CIAO2A: variants seen among roughly 807,000 people sequenced by gnomAD.
CIAO2A encodes the protein cytosolic iron-sulfur assembly component 2A.
CIAO2A carries 17 observed loss-of-function variants against 22.4 expected under a neutral mutation model. That is an observed-to-expected ratio of 0.76 (90% CI 0.52 to 1.14). The LOEUF is 1.14. Among genes scored for constraint, CIAO2A ranks in the 50% most tolerant of loss-of-function variants. The pLI is 0.00. For synonymous variants in CIAO2A, 74 were observed against 72.3 expected, an observed-to-expected ratio of 1.02 and a Z score of -0.12; for missense variants, 192 against 191.4, an observed-to-expected ratio of 1.00 and a Z score of -0.02.
At chr15:64,074,091 G>A (rs1309847204) in intron 4 of CIAO2A, among the ~76,000 whole-genome samples, 1 of 151,934 alleles carries the variant, frequency 6.6e-6, no homozygotes, top group Non-Finnish European at 1.5e-5. Context: ...TAATCTACTA[G>A]ATCTTTTTTT....
At chr15:64,081,373 C>A (rs2080757950) in intron 2 of CIAO2A, among the ~76,000 whole-genome samples, 1 of 152,036 alleles carries the variant, frequency 6.6e-6, no homozygotes, top group Non-Finnish European at 1.5e-5. Context: ...TTACTAATCC[C>A]CTTCTACAAA....
At chr15:64,078,436 A>G (rs977415232) in intron 3 of CIAO2A, among the ~76,000 whole-genome samples, 5 of 152,104 alleles carry the variant, frequency 3.3e-5, no homozygotes, top group South Asian at 2.1e-4. Context: ...GGAGTTCAAG[A>G]CCAAACTGGC....
intron 2 of CIAO2A, among the ~76,000 whole-genome samples, chr15:64,083,942 C>CA (rs1052899008): frequency 1.7e-4 from 25 of 145,434 alleles, no homozygotes; most frequent in African/African-American, 5.3e-4. Flanking sequence ...GACTCTGTCT[C>CA]AAAAAAAAAT....
chr15:64,083,947 A>T (rs576166572), intron 2 of CIAO2A, among the ~76,000 whole-genome samples: 10 of 152,058 alleles, frequency 6.6e-5, no homozygotes, highest in South Asian at 2.1e-4. Flanking sequence ...TGTCTCAAAA[A>T]AAAATAAAAT....
intron 1 of CIAO2A, chr15:64,090,245 A>G: frequency 5.9e-6 from 1 of 168,872 alleles, no homozygotes; most frequent in Non-Finnish European, 1.3e-5. Context: ...TAGGAGACTG[A>G]GGCAGGAGAA....
At chr15:64,093,423 G>C (rs2080859731) in intron 1 of CIAO2A, among the ~76,000 whole-genome samples, 1 of 151,908 alleles carries the variant, frequency 6.6e-6, no homozygotes, top group South Asian at 2.1e-4. Context: ...CCAGGTTTAC[G>C]AAGAGCCCAG....
At chr15:64,090,062 G>A (rs2080827936) in intron 1 of CIAO2A, 1 of 152,280 alleles carries the variant, frequency 6.6e-6, no homozygotes, top group Non-Finnish European at 1.5e-5. Flanking sequence ...CAAACAACAA[G>A]GCCGGGCGCG....
intron 1 of CIAO2A, among the ~76,000 whole-genome samples, chr15:64,089,481 T>C (rs1219982247): frequency 1.4e-5 from 2 of 146,906 alleles, no homozygotes; most frequent in East Asian, 4.0e-4. Context: ...CACCGCACTC[T>C]AGGCTGGGCA....
chr15:64,076,319 A>G (rs2080717030), intron 3 of CIAO2A, among the ~76,000 whole-genome samples: 1 of 152,160 alleles, frequency 6.6e-6, no homozygotes, highest in East Asian at 1.9e-4. Context: ...TTTTACACAC[A>G]CACACACCCA....
In CIAO2A at chr15:64,086,466, G is replaced by A. The variant is rs577355887; in HGVS notation, c.289+2221C>T. 1.4e-3 allele frequency among the ~76,000 whole-genome samples: 215 copies of A among 152,116 alleles called. 2 individuals carry two copies. The South Asian group carries it at 0.025, about 18-fold the overall frequency. Reference sequence around the variant, plus strand: ...ATAGGTTCTTGAACTCTCCATTTAAGAACTCTTTCTTATATGTCAAAATAT... The same window carrying A: ...ATAGGTTCTTGAACTCTCCATTTAAAAACTCTTTCTTATATGTCAAAATAT... On this transcript the variant is annotated intron_variant, in intron 2 of 4. Coordinates refer to ENST00000300030, the MANE Select transcript of CIAO2A (RefSeq NM_032231.7).
At chr15:64,092,397 A>G (rs1342186763) in intron 1 of CIAO2A, among the ~76,000 whole-genome samples, 2 of 151,954 alleles carry the variant, frequency 1.3e-5, no homozygotes, top group African/African-American at 4.8e-5. Flanking sequence ...CTTTATTTCA[A>G]AGTCTTTCTA....
chr15:64,075,105 G>A (rs1394108909), intron 4 of CIAO2A: 1 of 155,382 alleles, frequency 6.4e-6, no homozygotes, highest in Admixed American at 6.5e-5. Context: ...TACTAACCCA[G>A]AGAGACAGCA....
chr15:64,092,263 A>G (rs528235537), intron 1 of CIAO2A, among the ~76,000 whole-genome samples: 1 of 152,088 alleles, frequency 6.6e-6, no homozygotes, highest in Admixed American at 6.5e-5. Flanking sequence ...CTATAGCCCC[A>G]TCTATCTGTC....
intron 1 of CIAO2A, 102 bp from the exon 2 acceptor site, chr15:64,088,953 A>G: frequency 9.6e-7 from 1 of 1,044,198 alleles, no homozygotes; most frequent in Non-Finnish European, 1.4e-6. Flanking sequence ...TCTTACGTTT[A>G]AGCAAATAGT....
intron 2 of CIAO2A, among the ~76,000 whole-genome samples, chr15:64,085,147 A>G (rs984894679): frequency 5.9e-5 from 9 of 152,240 alleles, no homozygotes; most frequent in Non-Finnish European, 1.3e-4. Context: ...AGTATTATTT[A>G]TAATTGCAAA....
At chr15:64,087,559 C>T (rs891283727) in intron 2 of CIAO2A, among the ~76,000 whole-genome samples, 4 of 152,132 alleles carry the variant, frequency 2.6e-5, no homozygotes, top group Non-Finnish European at 4.4e-5. Flanking sequence ...CACAATAATA[C>T]CTATGGATTC....
intron 1 of CIAO2A, among the ~76,000 whole-genome samples, chr15:64,092,666 G>A (rs2080849824): frequency 6.6e-6 from 1 of 152,188 alleles, no homozygotes; most frequent in African/African-American, 2.4e-5. Context: ...CATCTGCCTG[G>A]AGGCTGATTA....
At chr15:64,079,976 C>G (rs558245201) in intron 3 of CIAO2A, among the ~76,000 whole-genome samples, 1 of 152,244 alleles carries the variant, frequency 6.6e-6, no homozygotes, top group Non-Finnish European at 1.5e-5. Context: ...AAAAAGACAT[C>G]CTTATTTTAA....
At chr15:64,081,419 G>T (rs779559207) in intron 2 of CIAO2A, among the ~76,000 whole-genome samples, 2 of 151,940 alleles carry the variant, frequency 1.3e-5, no homozygotes, top group Non-Finnish European at 2.9e-5. Context: ...CTTCCTCAAG[G>T]TCACTGAGTT....
Sources: gnomAD v4.1 joint callset for allele counts (sites outside exome capture counted in the v4.1 genomes callset) on GRCh38, gnomAD v4.1.1 for gene constraint, MANE v1.5 for transcripts, NCBI Gene and HGNC (gene_info 2026-07-23, HGNC 2026-07-21) for gene names.